Variants in ATRNL1 observed in about 807,000 individuals in gnomAD.
ATRNL1 encodes the protein attractin-like protein 1.
ATRNL1 carries 95 observed loss-of-function variants against 182.7 expected under a neutral mutation model. That is an observed-to-expected ratio of 0.52 (90% CI 0.44 to 0.62). The LOEUF (loss-of-function observed/expected upper bound fraction) is 0.62. Ranked by LOEUF, ATRNL1 falls within the 20% of genes least tolerant of loss-of-function variation. The pLI, the probability that ATRNL1 is intolerant of heterozygous loss-of-function variation, is 0.00. For missense variants in ATRNL1, 1,471 were observed against 1,679.5 expected, an observed-to-expected ratio of 0.88 and a Z score of 2.17; for synonymous variants, 576 against 568.3, an observed-to-expected ratio of 1.01 and a Z score of -0.19.
intron 28 of ATRNL1, among the ~76,000 whole-genome samples, chr10:115,922,078 C>A (rs2134565116): frequency 6.6e-6 from 1 of 152,282 alleles, no homozygotes; most frequent in Middle Eastern, 3.4e-3. Flanking sequence ...AAGGAGGTGC[C>A]AGACCAGGGC....
At chr10:115,435,474 C>T (rs1356019574) in intron 21 of ATRNL1, among the ~76,000 whole-genome samples, 1 of 152,156 alleles carries the variant, frequency 6.6e-6, no homozygotes, top group Non-Finnish European at 1.5e-5. Flanking sequence ...ACTTTCCAGC[C>T]TTCAGAACTG....
intron 27 of ATRNL1, among the ~76,000 whole-genome samples, chr10:115,827,753 A>G (rs535248693): frequency 7.9e-5 from 12 of 152,304 alleles, no homozygotes; most frequent in East Asian, 3.9e-4. Flanking sequence ...ATGACATATG[A>G]ACAAAAGCAG....
intron 25 of ATRNL1, among the ~76,000 whole-genome samples, chr10:115,548,099 A>G (rs1483339928): frequency 6.6e-6 from 1 of 152,196 alleles, no homozygotes; most frequent in Non-Finnish European, 1.5e-5. Flanking sequence ...TTTTGGTACT[A>G]CGACTTAGTC....
intron 21 of ATRNL1, among the ~76,000 whole-genome samples, chr10:115,445,581 G>A (rs189813766): frequency 7.4e-5 from 11 of 149,308 alleles, no homozygotes; most frequent in African/African-American, 2.7e-4. Flanking sequence ...ATGCCTGGAT[G>A]TCTGTAATTT....
intron 10 of ATRNL1, among the ~76,000 whole-genome samples, chr10:115,245,495 G>A (rs1485173917): frequency 1.9e-5 from 1 of 52,688 alleles, no homozygotes; most frequent in Non-Finnish European, 3.3e-5. Flanking sequence ...CCGACACTCC[G>A]TCTCAAAAAA....
At chr10:115,912,977 C>T (rs1368486655) in intron 28 of ATRNL1, among the ~76,000 whole-genome samples, 3 of 152,254 alleles carry the variant, frequency 2.0e-5, no homozygotes, top group Non-Finnish European at 4.4e-5. Flanking sequence ...CACAGTGTCC[C>T]TTACACCTAC....
At chr10:115,423,477 G>A (rs140723370) in intron 20 of ATRNL1, among the ~76,000 whole-genome samples, 1 of 152,134 alleles carries the variant, frequency 6.6e-6, no homozygotes, top group African/African-American at 2.4e-5. Context: ...GCAGTGAGCT[G>A]AGATTGCACC....
At chr10:115,227,977 G>A (rs567077224) in intron 9 of ATRNL1, among the ~76,000 whole-genome samples, 1 of 151,982 alleles carries the variant, frequency 6.6e-6, no homozygotes, top group African/African-American at 2.4e-5. Flanking sequence ...CTTCTGGAGT[G>A]GTTATGTGTT....
chr10:115,321,209 T>A (rs532279217), intron 18 of ATRNL1, among the ~76,000 whole-genome samples: 2 of 152,246 alleles, frequency 1.3e-5, no homozygotes, highest in East Asian at 3.9e-4. Context: ...TCTGCTTCGC[T>A]CCTGCCCCTG....
At chr10:115,791,411 C>T (rs1949529363) in intron 27 of ATRNL1, among the ~76,000 whole-genome samples, 1 of 152,062 alleles carries the variant, frequency 6.6e-6, no homozygotes, top group African/African-American at 2.4e-5. Context: ...AAGCAAACAC[C>T]TGTCTAATCA....
chr10:115,755,310 C>T (rs1159029840), intron 27 of ATRNL1, among the ~76,000 whole-genome samples: 1 of 152,106 alleles, frequency 6.6e-6, no homozygotes, highest in African/African-American at 2.4e-5. Context: ...GTGGGTTTGT[C>T]ATAAACAGCT....
At chr10:115,128,796 C>T (rs1267159081) in intron 4 of ATRNL1, among the ~76,000 whole-genome samples, 2 of 148,570 alleles carry the variant, frequency 1.3e-5, no homozygotes, top group Admixed American at 6.8e-5. Context: ...CACTGCATTC[C>T]AGCCTGGGCG....
intron 26 of ATRNL1, among the ~76,000 whole-genome samples, chr10:115,660,836 T>G (rs1376985750): frequency 6.6e-6 from 1 of 152,082 alleles, no homozygotes; most frequent in African/African-American, 2.4e-5. Flanking sequence ...ATTGCATGCA[T>G]GCATGCATTT....
intron 21 of ATRNL1, among the ~76,000 whole-genome samples, chr10:115,450,976 C>T (rs2134483687): frequency 6.6e-6 from 1 of 152,210 alleles, no homozygotes; most frequent in South Asian, 2.1e-4. Flanking sequence ...GGCTACACAC[C>T]TATAACCATC....
chr10:115,133,666 G>A (rs913027360), intron 5 of ATRNL1, among the ~76,000 whole-genome samples: 3 of 152,132 alleles, frequency 2.0e-5, no homozygotes, highest in African/African-American at 7.2e-5. Flanking sequence ...GCGATATCCA[G>A]GAATTGAACT....
intron 27 of ATRNL1, among the ~76,000 whole-genome samples, chr10:115,839,670 G>A (rs782376710): frequency 2.0e-5 from 3 of 151,928 alleles, no homozygotes; most frequent in Non-Finnish European, 2.9e-5. Flanking sequence ...GCCTCCCTCC[G>A]TTACTACCCC....
chr10:115,252,411 C>T (rs986710180), intron 10 of ATRNL1, among the ~76,000 whole-genome samples: 1 of 152,178 alleles, frequency 6.6e-6, no homozygotes, highest in African/African-American at 2.4e-5. Context: ...TGTTGATACC[C>T]AACCCAAGTT....
At chr10:115,122,935 T>C (rs1010585304) in intron 3 of ATRNL1, among the ~76,000 whole-genome samples, 1 of 152,182 alleles carries the variant, frequency 6.6e-6, no homozygotes, top group Non-Finnish European at 1.5e-5. Flanking sequence ...CATACATTTA[T>C]TTTTAGCAAT....
chr10:115,940,588 A>G (rs782257152), intron 28 of ATRNL1, among the ~76,000 whole-genome samples: 4 of 152,140 alleles, frequency 2.6e-5, no homozygotes, highest in Non-Finnish European at 4.4e-5. Flanking sequence ...TAAAAAAGCT[A>G]TTGACTTGGC....
Sources: allele counts gnomAD v4.1 joint callset (sites outside exome capture counted in the v4.1 genomes callset), GRCh38; gene constraint gnomAD v4.1.1; transcripts MANE v1.5; gene names NCBI Gene and HGNC (gene_info 2026-07-23, HGNC 2026-07-21).